The following SAMD8 variants were observed in gnomAD, a reference collection of about 807,000 sequenced individuals.
SAMD8 encodes sphingomyelin synthase-related protein 1.
In SAMD8, 20 loss-of-function variants were observed where a neutral mutation model predicts 42.0. The observed-to-expected ratio is 0.48, with a 90% CI of 0.34 to 0.69. The LOEUF (loss-of-function observed/expected upper bound fraction) is 0.69, where lower values mean the gene tolerates loss of function less well. Ranked by LOEUF, SAMD8 falls within the 30% of genes least tolerant of loss-of-function variation. The pLI, the probability that SAMD8 is intolerant of heterozygous loss-of-function variation, is 0.01. For missense variants in SAMD8, 328 were observed against 511.6 expected, an observed-to-expected ratio of 0.64 and a Z score of 3.46; for synonymous variants, 162 against 173.0, an observed-to-expected ratio of 0.94 and a Z score of 0.50.
At chr10:75,117,821 T>C (rs1334998804) in intron 1 of SAMD8, among the ~76,000 whole-genome samples, 1 of 152,246 alleles carries the variant, frequency 6.6e-6, no homozygotes, top group Non-Finnish European at 1.5e-5. Flanking sequence ...TCTTTACTGG[T>C]TTGCTGTGGC....
At chr10:75,144,501 G>A (rs1038922929) in intron 1 of SAMD8, among the ~76,000 whole-genome samples, 2 of 149,106 alleles carry the variant, frequency 1.3e-5, no homozygotes, top group Non-Finnish European at 2.9e-5. Flanking sequence ...TACAGTATTT[G>A]TCCTTTTGTG....
chr10:75,132,688 A>C (rs1464346826), intron 1 of SAMD8, among the ~76,000 whole-genome samples: 1 of 111,224 alleles, frequency 9.0e-6, no homozygotes, highest in Non-Finnish European at 1.7e-5. Context: ...ATAGCTGTCC[A>C]AAGGCAGATT....
intron 2 of SAMD8, among the ~76,000 whole-genome samples, chr10:75,160,233 G>T (rs1177194219): frequency 6.6e-6 from 1 of 151,718 alleles, no homozygotes; most frequent in Non-Finnish European, 1.5e-5. Flanking sequence ...GTCTTGCTCT[G>T]TCGCCCAGGC....
upstream of SAMD8, among the ~76,000 whole-genome samples, chr10:75,110,656 C>G (rs1848743177): frequency 1.3e-5 from 2 of 152,184 alleles, no homozygotes; most frequent in Non-Finnish European, 2.9e-5. Context: ...CTAGACCTGG[C>G]TTGGGAGGAG....
chr10:75,150,104 A>G (rs1028898088), intron 1 of SAMD8, among the ~76,000 whole-genome samples: 1 of 146,736 alleles, frequency 6.8e-6, no homozygotes, highest in Non-Finnish European at 1.5e-5. Flanking sequence ...ACATATATAT[A>G]TATATAGTTT....
chr10:75,140,197 C>T (rs1458814286), intron 1 of SAMD8, among the ~76,000 whole-genome samples: 3 of 152,136 alleles, frequency 2.0e-5, no homozygotes, highest in Non-Finnish European at 2.9e-5. Flanking sequence ...CAGAAGTCCC[C>T]GGGTTCAAGC....
rs116872521 is a variant in SAMD8, at chr10:75,178,711, C to T, written c.*2019C>T. On this transcript the variant is annotated 3_prime_UTR_variant, in exon 6 of 6. Transcript: ENST00000542569. ...TATGAATAACCACTGCATTCCAGCC[C>T]GGGCAAGGTAGCAAGACCCATTCTC... 4,233 of 152,126 alleles carry T rather than the reference C, an allele frequency of 0.028. 77 individuals carry two copies. Among genetic ancestry groups the T allele is most frequent in the Non-Finnish European group, 0.044 (3,006 of 68,036 alleles). 9.4% of individuals were successfully genotyped at this position (152,126 alleles called of 1,614,324 possible).
chr10:75,159,650 G>A lies in SAMD8; in HGVS notation c.579-4995G>A, dbSNP rs1361629763. ...CTTGGAAATTTACTTCCCACCAGCA[G>A]CTGTTCTTAACCAGTGACTCATTTC... On this transcript the variant is annotated intron_variant, in intron 2 of 5. Coordinates refer to ENST00000542569, the MANE Select transcript of SAMD8 (RefSeq NM_001174156.2). 3.3e-5 allele frequency among the ~76,000 whole-genome samples: 5 copies of A among 152,286 alleles called. No individual in the cohort carries two copies. The East Asian group carries it at 9.7e-4, about 29-fold the overall frequency.
upstream of SAMD8, chr10:75,108,974 C>T: frequency 6.4e-7 from 1 of 1,569,384 alleles, no homozygotes. Context: ...TCTCCACGTC[C>T]CCACCCCCAT....
intron 2 of SAMD8, among the ~76,000 whole-genome samples, chr10:75,153,215 C>T (rs1840332947): frequency 6.6e-6 from 1 of 152,024 alleles, no homozygotes; most frequent in Non-Finnish European, 1.5e-5. Context: ...CTCCTGACCT[C>T]AAATGATCCG....
upstream of SAMD8, among the ~76,000 whole-genome samples, chr10:75,106,806 A>G (rs1030053492): frequency 6.6e-6 from 1 of 152,240 alleles, no homozygotes; most frequent in Non-Finnish European, 1.5e-5. Context: ...GAATGGATAA[A>G]TAGCAAAAGA....
At chr10:75,163,579 C>T (rs764894479) in intron 2 of SAMD8, among the ~76,000 whole-genome samples, 2 of 152,034 alleles carry the variant, frequency 1.3e-5, no homozygotes, top group South Asian at 2.1e-4. Context: ...GACTTACAGG[C>T]GCGCAGCACC....
chr10:75,135,901 T>C (rs1222116271), intron 1 of SAMD8, among the ~76,000 whole-genome samples: 1 of 152,092 alleles, frequency 6.6e-6, no homozygotes, highest in East Asian at 1.9e-4. Context: ...GCTGCTTTTT[T>C]TTTGCACATT....
intron 2 of SAMD8, among the ~76,000 whole-genome samples, chr10:75,163,522 C>T (rs893907586): frequency 6.6e-6 from 1 of 152,164 alleles, no homozygotes; most frequent in African/African-American, 2.4e-5. Context: ...CAACCTCTGC[C>T]TCCCAGGCTC....
chr10:75,103,923 G>T lies in SAMD8; in HGVS notation c.-16+4195G>T, dbSNP rs758037102. On this transcript the variant is annotated intron_variant, in intron 1 of 3. Coordinates refer to the SAMD8 transcript ENST00000447533. ...GGAGACTGAAGACAGTGGCTGAGAG[G>T]GGGTGTAGGCGCCAGGAGGAGCCAG... 18 of 1,315,470 alleles carry T rather than the reference G, an allele frequency of 1.4e-5. No homozygotes were observed. In the South Asian group the frequency reaches 2.1e-4, roughly 15 times the overall value. The allele number at this position is 1,315,470 out of a possible 1,614,324, so 81.5% of individuals were successfully genotyped here. A position where few individuals can be genotyped will look rare whatever the true frequency, so the allele number is the denominator to read the frequency against.
intron 1 of SAMD8, among the ~76,000 whole-genome samples, chr10:75,122,320 A>C (rs1589936071): frequency 6.6e-6 from 1 of 152,212 alleles, no homozygotes; most frequent in Middle Eastern, 3.4e-3. Context: ...TTTATTTTGA[A>C]ATAATTATAG....
At chr10:75,165,994 A>G (rs553343715) in intron 3 of SAMD8, among the ~76,000 whole-genome samples, 322 of 151,902 alleles carry the variant, frequency 2.1e-3, no homozygotes, top group African/African-American at 7.5e-3. Context: ...AAAAAAAAAA[A>G]AAAAGAAAGA....
At chr10:75,130,797 T>A (rs1849258888) in intron 1 of SAMD8, among the ~76,000 whole-genome samples, 1 of 152,168 alleles carries the variant, frequency 6.6e-6, no homozygotes, top group Non-Finnish European at 1.5e-5. Context: ...AGGACCTTGG[T>A]CACTTCACTT....
intron 1 of SAMD8, 65 bp downstream of exon 1, chr10:75,111,787 G>A: frequency 8.1e-7 from 1 of 1,231,898 alleles, no homozygotes. Context: ...GGGTGAGTGG[G>A]GAGTCTGGGA....
Sources: gnomAD v4.1 joint callset for allele counts (sites outside exome capture counted in the v4.1 genomes callset) on GRCh38, gnomAD v4.1.1 for gene constraint, MANE v1.5 for transcripts, NCBI Gene and HGNC (gene_info 2026-07-23, HGNC 2026-07-21) for gene names.